The following CPNE4 variants were observed in gnomAD, a reference collection of about 807,000 sequenced individuals.
CPNE4 encodes copine-4.
In CPNE4, 25 loss-of-function variants were observed where a neutral mutation model predicts 67.9. The observed-to-expected ratio is 0.37, with a 90% confidence interval of 0.27 to 0.51. The LOEUF (loss-of-function observed/expected upper bound fraction) is 0.51. Among genes scored for constraint, CPNE4 ranks in the 20% least tolerant of loss-of-function variants. CPNE4 has a pLI of 0.93. For synonymous variants in CPNE4, 242 were observed against 244.9 expected, an observed-to-expected ratio of 0.99 and a Z score of 0.11; for missense variants, 464 against 690.8, an observed-to-expected ratio of 0.67 and a Z score of 3.68.
At chr3:131,573,079 G>A (rs949934156) in intron 10 of CPNE4, among the ~76,000 whole-genome samples, 1 of 152,086 alleles carries the variant, frequency 6.6e-6, no homozygotes, top group African/African-American at 2.4e-5. Flanking sequence ...AAATGACATA[G>A]AAGTGACTGG....
chr3:131,798,155 G>A (rs545398421), intron 2 of CPNE4, among the ~76,000 whole-genome samples: 1 of 152,176 alleles, frequency 6.6e-6, no homozygotes, highest in South Asian at 2.1e-4. Context: ...CACTTTGGGG[G>A]TTAGGACTTC....
At chr3:131,631,318 C>T (rs1235192300) in intron 7 of CPNE4, among the ~76,000 whole-genome samples, 1 of 152,124 alleles carries the variant, frequency 6.6e-6, no homozygotes, top group Non-Finnish European at 1.5e-5. Context: ...AATCCCCATC[C>T]TTTGACATGT....
chr3:131,886,004 G>C (rs971398683), intron 2 of CPNE4, among the ~76,000 whole-genome samples: 6 of 152,198 alleles, frequency 3.9e-5, no homozygotes, highest in African/African-American at 1.4e-4. Context: ...GCAGAAATTT[G>C]CATAAGTAAC....
chr3:131,757,250 A>G (rs1263046780), intron 2 of CPNE4, among the ~76,000 whole-genome samples: 1 of 152,178 alleles, frequency 6.6e-6, no homozygotes, highest in Non-Finnish European at 1.5e-5. Context: ...CTTCCTAGAG[A>G]CTTGTTGAAT....
intron 1 of CPNE4, chr3:132,017,313 GAGA>G (rs1191102738): frequency 1.3e-5 from 2 of 151,820 alleles, no homozygotes; most frequent in Admixed American, 6.6e-5. Flanking sequence ...AGGGAAGAAA[GAGA>G]AGGAGAGAAG....
At position 131,564,343 on chromosome 3, in the gene CPNE4, TAGCTACCTAA is replaced by T. The variant is rs1199049532; in HGVS notation, c.928-4_933del. 7 of 1,610,514 alleles carry T rather than the reference TAGCTACCTAA, an allele frequency of 4.3e-6. No homozygotes were observed. The highest frequency in any genetic ancestry group is 1.3e-5 in the African/African-American group (1 of 74,604). On this transcript the variant is annotated splice_acceptor_variant and splice_polypyrimidine_tract_variant and coding_sequence_variant and intron_variant, in exon 11 of 16. Transcript: ENST00000429747. LOFTEE classifies it high-confidence loss of function. ...TCCCCGTTTGAGGCAGTGAAATCTA[TAGCTACCTAA>T]AAGAGAAAAATACAAGAAAAGGTAA...
At chr3:131,874,213 C>T (rs572785142) in intron 2 of CPNE4, among the ~76,000 whole-genome samples, 1 of 151,904 alleles carries the variant, frequency 6.6e-6, no homozygotes, top group Non-Finnish European at 1.5e-5. Context: ...CTCAGCCCCC[C>T]GAGTAGCTGA....
intron 7 of CPNE4, among the ~76,000 whole-genome samples, chr3:131,658,843 G>GA (rs1013786400): frequency 1.6e-4 from 25 of 152,162 alleles, no homozygotes; most frequent in East Asian, 1.2e-3. Flanking sequence ...ATGCTTTCCA[G>GA]AAAAAAAGCC....
At chr3:131,793,772 A>G (rs1176447710) in intron 2 of CPNE4, among the ~76,000 whole-genome samples, 1 of 152,178 alleles carries the variant, frequency 6.6e-6, no homozygotes, top group Non-Finnish European at 1.5e-5. Context: ...CTCTTTAAAG[A>G]GAAGAGAGTC....
rs1240905024 is a variant in CPNE4, at chr3:131,767,277, G to GTT, written c.181-43653_181-43652insAA. 7.9e-5 allele frequency among the ~76,000 whole-genome samples: 12 copies of GTT among 151,890 alleles called. No homozygotes were observed. In the East Asian group the frequency reaches 2.3e-3, roughly 30 times the overall value. On this transcript the variant is annotated intron_variant, in intron 2 of 15. Coordinates refer to ENST00000429747, the MANE Select transcript of CPNE4 (RefSeq NM_130808.3). ...AGTGTGAGCGTGTGTGTGTGTGTGTGTGTGTACTGTATTTAGATATTTAGG... is the reference window on the plus strand; with the variant it reads ...AGTGTGAGCGTGTGTGTGTGTGTGTGTTTGTGTACTGTATTTAGATATTTAGG...
chr3:131,578,072 C>A (rs1320600952), intron 9 of CPNE4, among the ~76,000 whole-genome samples: 3 of 151,978 alleles, frequency 2.0e-5, no homozygotes. Flanking sequence ...GGTGTATCTT[C>A]TTTTATTGTA....
intron 4 of CPNE4, among the ~76,000 whole-genome samples, chr3:131,698,680 G>A (rs1161238126): frequency 1.3e-5 from 2 of 151,646 alleles, no homozygotes; most frequent in Admixed American, 6.6e-5. Context: ...GGGAAGCCGA[G>A]GGGGGCGGAT....
chr3:131,575,207 G>A, intron 9 of CPNE4, 77 bp from the exon 10 acceptor site: 1 of 1,259,162 alleles, frequency 7.9e-7, no homozygotes, highest in Non-Finnish European at 1.2e-6. Context: ...CTAAAGGTTG[G>A]TGACTGATAA....
intron 2 of CPNE4, among the ~76,000 whole-genome samples, chr3:131,884,827 G>A (rs1359131251): frequency 1.3e-5 from 2 of 152,112 alleles, no homozygotes; most frequent in Non-Finnish European, 2.9e-5. Context: ...GATGTGACTT[G>A]TTCCTCCTTG....
intron 7 of CPNE4, among the ~76,000 whole-genome samples, chr3:131,619,035 G>C (rs112573328): frequency 2.8e-4 from 42 of 152,292 alleles, no homozygotes; most frequent in African/African-American, 1.0e-3. Context: ...GTTGCCCATA[G>C]AGTAGGAGGA....
At chr3:131,541,938 T>A (rs1935522430) in intron 15 of CPNE4, among the ~76,000 whole-genome samples, 1 of 152,222 alleles carries the variant, frequency 6.6e-6, no homozygotes, top group Non-Finnish European at 1.5e-5. Context: ...CCCAAACTGC[T>A]GGGATTACAG....
Position 131,618,234 on chromosome 3 carries a change from A to G in CPNE4, c.682-30652T>C, listed in dbSNP as rs552057100. Among the ~76,000 whole-genome samples, 497 of 152,278 alleles carry G rather than the reference A, an allele frequency of 3.3e-3. 2 individuals are homozygous for G. Among genetic ancestry groups the G allele is most frequent in the African/African-American group, 0.011 (456 of 41,564 alleles). On this transcript the variant is annotated intron_variant, in intron 7 of 15. Transcript: ENST00000429747. ...CAGAGGCAGCTGTAAAAGCATAGAA[A>G]GGGATGCTTAACTCATTTTAAATGT... is the stretch of plus-strand genomic sequence containing the variant.
At chr3:131,548,707 A>T (rs1006376537) in intron 14 of CPNE4, among the ~76,000 whole-genome samples, 2 of 152,138 alleles carry the variant, frequency 1.3e-5, no homozygotes, top group African/African-American at 4.8e-5. Context: ...AGGGAGCGAA[A>T]GAGAAAATGA....
chr3:132,008,448 A>G lies in CPNE4; in HGVS notation c.-2+26119T>C, dbSNP rs75457353. On this transcript the variant is annotated intron_variant, in intron 1 of 15. Coordinates refer to ENST00000429747, the MANE Select transcript of CPNE4 (RefSeq NM_130808.3). ...ATGCCATAATATAGCTATTATTCCT[A>G]TTTTAAGGACAAGGAAACAAGCTCA... Among the ~76,000 whole-genome samples, 389 of 152,294 alleles carry G rather than the reference A, an allele frequency of 2.6e-3. 4 individuals are homozygous for G. Among genetic ancestry groups the G allele is most frequent in the African/African-American group, 8.8e-3 (365 of 41,558 alleles).
Sources: gnomAD v4.1 joint callset for allele counts (sites outside exome capture counted in the v4.1 genomes callset) on GRCh38, gnomAD v4.1.1 for gene constraint, MANE v1.5 for transcripts, NCBI Gene and HGNC (gene_info 2026-07-23, HGNC 2026-07-21) for gene names.